ANKS1B: variants seen among roughly 807,000 people sequenced by gnomAD.
ANKS1B encodes ankyrin repeat and sterile alpha motif domain containing 1B, also known as ankyrin repeat and sterile alpha motif domain-containing protein 1B.
A neutral mutation model predicts 148.3 loss-of-function variants in ANKS1B; 36 were observed. The ratio of observed to expected loss-of-function variants is 0.24; its 90% CI spans 0.19 to 0.32. The LOEUF is 0.32. Ranked by LOEUF, ANKS1B falls within the 10% of genes least tolerant of loss-of-function variation. The pLI is 1.00. For missense variants in ANKS1B, 1,157 were observed against 1,542.6 expected, an observed-to-expected ratio of 0.75 and a Z score of 4.19; for synonymous variants, 542 against 560.8, an observed-to-expected ratio of 0.97 and a Z score of 0.47.
chr12:98,739,126 TG>T (rs1451294960), downstream of ANKS1B, among the ~76,000 whole-genome samples: 1 of 152,190 alleles, frequency 6.6e-6, no homozygotes, highest in Non-Finnish European at 1.5e-5. Flanking sequence ...GTGGTGGAGC[TG>T]GGTTTCTGGT....
chr12:99,436,358 T>C (rs1459307504), intron 11 of ANKS1B, among the ~76,000 whole-genome samples: 2 of 152,038 alleles, frequency 1.3e-5, no homozygotes, highest in East Asian at 3.9e-4. Flanking sequence ...TGATAGAATT[T>C]TTGTGAGAAA....
chr12:99,766,398 C>T, intron 8 of ANKS1B, among the ~76,000 whole-genome samples: 1 of 152,052 alleles, frequency 6.6e-6, no homozygotes, highest in Non-Finnish European at 1.5e-5. Flanking sequence ...ATTCTACTAG[C>T]CATTTTCTCA....
intron 12 of ANKS1B, among the ~76,000 whole-genome samples, chr12:99,394,822 A>G (rs2152562307): frequency 6.6e-6 from 1 of 152,240 alleles, no homozygotes; most frequent in African/African-American, 2.4e-5. Flanking sequence ...TCACATCTAT[A>G]CCTGCAGACT....
At chr12:99,888,358 A>C (rs984276807) in intron 1 of ANKS1B, among the ~76,000 whole-genome samples, 2 of 152,226 alleles carry the variant, frequency 1.3e-5, no homozygotes, top group Non-Finnish European at 2.9e-5. Context: ...GGCACAGAAA[A>C]GTGCCTTTTT....
chr12:99,667,762 T>C (rs999192960), intron 8 of ANKS1B, among the ~76,000 whole-genome samples: 1 of 152,240 alleles, frequency 6.6e-6, no homozygotes, highest in Non-Finnish European at 1.5e-5. Flanking sequence ...ACTAAAAGTT[T>C]GTATCATGAA....
At chr12:99,775,343 C>A (rs1323678631) in intron 7 of ANKS1B, among the ~76,000 whole-genome samples, 1 of 152,122 alleles carries the variant, frequency 6.6e-6, no homozygotes, top group Non-Finnish European at 1.5e-5. Context: ...GAAACATATA[C>A]TCCAGATAAA....
intron 17 of ANKS1B, among the ~76,000 whole-genome samples, chr12:98,959,611 T>C (rs988786289): frequency 6.6e-6 from 1 of 152,122 alleles, no homozygotes; most frequent in African/African-American, 2.4e-5. Flanking sequence ...AAAAGCACCT[T>C]CATAAGAACC....
intron 8 of ANKS1B, among the ~76,000 whole-genome samples, chr12:99,703,389 A>C (rs908722459): frequency 3.9e-5 from 6 of 152,162 alleles, no homozygotes; most frequent in African/African-American, 1.4e-4. Context: ...TTTTAAAAGA[A>C]ACTGAATTAA....
intron 23 of ANKS1B, 90 bp downstream of exon 23, chr12:98,782,036 T>C (rs1041634026): frequency 9.0e-7 from 1 of 1,109,128 alleles, no homozygotes. Context: ...TTTAGCTTTA[T>C]CATTCATCAC....
intron 10 of ANKS1B, among the ~76,000 whole-genome samples, chr12:99,488,280 T>G (rs989980517): frequency 7.9e-5 from 12 of 152,178 alleles, no homozygotes; most frequent in African/African-American, 2.9e-4. Context: ...AAAAATTGCA[T>G]GCAATATAAT....
chr12:99,926,981 T>G (rs2153803926), intron 1 of ANKS1B, among the ~76,000 whole-genome samples: 1 of 152,330 alleles, frequency 6.6e-6, no homozygotes, highest in East Asian at 1.9e-4. Context: ...TTACAGTTGT[T>G]TGGCTGGATA....
At chr12:99,007,394 C>G (rs1188148912) in intron 17 of ANKS1B, among the ~76,000 whole-genome samples, 2 of 152,104 alleles carry the variant, frequency 1.3e-5, no homozygotes, top group Admixed American at 1.3e-4. Flanking sequence ...AAGCTTTTTT[C>G]CCCACTTCTT....
At chr12:99,224,893 T>A (rs1436399306) in intron 14 of ANKS1B, among the ~76,000 whole-genome samples, 1 of 152,180 alleles carries the variant, frequency 6.6e-6, no homozygotes, top group Non-Finnish European at 1.5e-5. Flanking sequence ...ACATTACTGT[T>A]ACATAAAAAT....
At chr12:99,415,603 G>A (rs762893787) in intron 11 of ANKS1B, among the ~76,000 whole-genome samples, 33 of 152,122 alleles carry the variant, frequency 2.2e-4, no homozygotes, top group Non-Finnish European at 4.0e-4. Context: ...GATTCCCTCA[G>A]TGGGCACATC....
chr12:98,905,502 G>C (rs759911805), intron 17 of ANKS1B, among the ~76,000 whole-genome samples: 8 of 152,132 alleles, frequency 5.3e-5, no homozygotes, highest in Non-Finnish European at 1.0e-4. Context: ...GGGCGCAAAG[G>C]CTCCTGCCTG....
At chr12:98,830,955 T>TTTTTTTTTTTC in intron 18 of ANKS1B, 1 of 134,322 alleles carries the variant, frequency 7.4e-6, no homozygotes, top group Non-Finnish European at 1.6e-5. Context: ...TTTTTTTTTT[T>TTTTTTTTTTTC]TTTTTTTTTT....
At chr12:99,292,476 C>T (rs1443276083) in intron 12 of ANKS1B, among the ~76,000 whole-genome samples, 4 of 150,632 alleles carry the variant, frequency 2.7e-5, no homozygotes, top group East Asian at 3.9e-4. Context: ...AATCACGCCA[C>T]TGCACTCCAG....
chr12:99,767,976 T>C (rs921920063), intron 8 of ANKS1B, among the ~76,000 whole-genome samples: 5 of 152,160 alleles, frequency 3.3e-5, no homozygotes, highest in African/African-American at 1.2e-4. Context: ...GATGGCTGGT[T>C]TTGTATTTGA....
intron 8 of ANKS1B, among the ~76,000 whole-genome samples, chr12:99,665,961 T>C (rs1191595111): frequency 2.0e-5 from 3 of 152,204 alleles, no homozygotes; most frequent in Non-Finnish European, 4.4e-5. Flanking sequence ...TTTTGATCTT[T>C]GTTCTATATT....
Sources: allele counts gnomAD v4.1 joint callset (sites outside exome capture counted in the v4.1 genomes callset), GRCh38; gene constraint gnomAD v4.1.1; transcripts MANE v1.5; gene names NCBI Gene and HGNC (gene_info 2026-07-23, HGNC 2026-07-21).